Variants in SLC9C2 observed in about 807,000 individuals in gnomAD.
The protein encoded by SLC9C2 is sodium/hydrogen exchanger 11.
In SLC9C2, 75 loss-of-function variants were observed where a neutral mutation model predicts 140.2. That is an observed-to-expected ratio of 0.53 (90% CI 0.44 to 0.65). The LOEUF is 0.65. Among genes scored for constraint, SLC9C2 ranks in the 30% least tolerant of loss-of-function variants. The pLI, the probability that SLC9C2 is intolerant of heterozygous loss-of-function variation, is 0.00. For synonymous variants in SLC9C2, 375 were observed against 420.9 expected, an observed-to-expected ratio of 0.89 and a Z score of 1.34; for missense variants, 1,074 against 1,331.8, an observed-to-expected ratio of 0.81 and a Z score of 3.01.
chr1:173,587,563 T>A, intron 5 of SLC9C2, 102 bp downstream of exon 5: 1 of 1,147,838 alleles, frequency 8.7e-7, no homozygotes, highest in Non-Finnish European at 1.2e-6. Context: ...GCACAGAGTC[T>A]TATTCTTCTG....
At chr1:173,563,446 G>C (rs1571568827) in intron 9 of SLC9C2, among the ~76,000 whole-genome samples, 1 of 151,812 alleles carries the variant, frequency 6.6e-6, no homozygotes. Context: ...CCCAACTCCA[G>C]GAAGGACCGG....
chr1:173,500,580 AG>A lies in SLC9C2; in HGVS notation c.*513del, dbSNP rs996730379. On this transcript the variant is annotated 3_prime_UTR_variant, in exon 28 of 28. Transcript: ENST00000367714. ...TCTCCTAAATTTCACTGAAAGCAAAAGTTACTTACTTACTGAAAGTTACTAA... is the reference window on the plus strand; with the variant it reads ...TCTCCTAAATTTCACTGAAAGCAAAATTACTTACTTACTGAAAGTTACTAA... 1 of 152,238 alleles carries A rather than the reference AG, an allele frequency of 6.6e-6. No homozygotes were observed. Among genetic ancestry groups the A allele is most frequent in the Non-Finnish European group, 1.5e-5 (1 of 68,038 alleles). The allele number at this position is 152,238 out of a possible 1,614,324, so 9.4% of individuals were successfully genotyped here. A position where few individuals can be genotyped will look rare whatever the true frequency, so the allele number is the denominator to read the frequency against.
rs200305468 is a variant in SLC9C2 at position 173,503,810 on chromosome 1, TAA to T, written c.3311-486_3311-485del. On this transcript the variant is annotated intron_variant, in intron 26 of 27. Coordinates refer to ENST00000367714, the MANE Select transcript of SLC9C2 (RefSeq NM_178527.4). ...GAAAACAAGTGACTCTTAAACAAATTAAGAGTCAAAGATCCAGTCCACGTGCC... is the reference window on the plus strand; with the variant it reads ...GAAAACAAGTGACTCTTAAACAAATTGAGTCAAAGATCCAGTCCACGTGCC... 4.9e-3 allele frequency among the ~76,000 whole-genome samples: 742 copies of T among 152,310 alleles called. 3 individuals carry two copies. Among genetic ancestry groups the T allele is most frequent in the African/African-American group, 0.016 (656 of 41,556 alleles).
chr1:173,582,318 C>T (rs1665593929), intron 6 of SLC9C2, among the ~76,000 whole-genome samples: 1 of 151,834 alleles, frequency 6.6e-6, no homozygotes, highest in African/African-American at 2.4e-5. Context: ...AATGTCTAAA[C>T]AAAAAAAATC....
chr1:173,531,100 G>A (rs2101985160), intron 17 of SLC9C2, among the ~76,000 whole-genome samples: 1 of 152,210 alleles, frequency 6.6e-6, no homozygotes, highest in South Asian at 2.1e-4. Context: ...TGCTGACAAT[G>A]GCTATGAGCC....
At chr1:173,595,448 A>G (rs1294447171) in intron 4 of SLC9C2, among the ~76,000 whole-genome samples, 1 of 152,162 alleles carries the variant, frequency 6.6e-6, no homozygotes, top group Non-Finnish European at 1.5e-5. Flanking sequence ...AAACTTTTGT[A>G]CACTTTTTAT....
chr1:173,570,027 GA>G (rs1664744436), intron 9 of SLC9C2, among the ~76,000 whole-genome samples: 1 of 152,072 alleles, frequency 6.6e-6, no homozygotes, highest in Non-Finnish European at 1.5e-5. Flanking sequence ...AGCTTTTAAT[GA>G]ATGCTGCCAG....
chr1:173,522,913 C>T (rs560975785), intron 21 of SLC9C2, among the ~76,000 whole-genome samples: 453 of 152,348 alleles, frequency 3.0e-3, no homozygotes, highest in Non-Finnish European at 5.3e-3. Context: ...TCTTTCACAT[C>T]TCTCTTCAAA....
rs71643161 is a variant in SLC9C2, at chr1:173,514,439, T to C, written c.2907+3098A>G. 2.6e-5 allele frequency among the ~76,000 whole-genome samples: 4 copies of C among 152,348 alleles called. No individual in the cohort carries two copies. The East Asian group carries it at 7.7e-4, about 29-fold the overall frequency. ...CTTATTTGTCTTTTTTGATCTTTAT[T>C]AAAGTCCGTTTTGTCAGAGACTAGT... is the stretch of plus-strand genomic sequence containing the variant. On this transcript the variant is annotated intron_variant, in intron 23 of 27. Transcript: ENST00000367714.
chr1:173,502,047 G>A (rs1337675413), intron 27 of SLC9C2, among the ~76,000 whole-genome samples: 1 of 152,056 alleles, frequency 6.6e-6, no homozygotes, highest in Admixed American at 6.5e-5. Context: ...GCCAAGGCAG[G>A]CAGATCATAA....
chr1:173,600,107 C>T lies in SLC9C2; in HGVS notation c.228+10G>A. The T allele has an allele frequency of 6.4e-7, 1 of 1,552,140 alleles. No individual in the cohort carries two copies. The highest frequency in any genetic ancestry group is 8.8e-7 in the Non-Finnish European group (1 of 1,139,014). ...TTCCTTTATTCTCTAATTTATTGTACATACAGTACCTCAACAGAATTGTAG... is the reference window on the plus strand; with the variant it reads ...TTCCTTTATTCTCTAATTTATTGTATATACAGTACCTCAACAGAATTGTAG... On this transcript the variant is annotated intron_variant, in intron 3 of 27. Coordinates refer to ENST00000367714, the MANE Select transcript of SLC9C2 (RefSeq NM_178527.4).
intron 10 of SLC9C2, among the ~76,000 whole-genome samples, chr1:173,556,578 A>G (rs1003748955): frequency 6.6e-6 from 1 of 152,124 alleles, no homozygotes; most frequent in African/African-American, 2.4e-5. Context: ...AATGCTCCTG[A>G]CAAGAGTATC....
chr1:173,577,286 C>T (rs756038273), intron 7 of SLC9C2, among the ~76,000 whole-genome samples: 64 of 152,208 alleles, frequency 4.2e-4, no homozygotes, highest in Non-Finnish European at 2.2e-4. Context: ...CTCAGAAATA[C>T]TGCACTGCAT....
chr1:173,548,612 C>A, intron 11 of SLC9C2, 60 bp from the exon 12 acceptor site: 21 of 1,573,168 alleles, frequency 1.3e-5, no homozygotes, highest in Admixed American at 7.1e-5. Flanking sequence ...CAAGGGAAAG[C>A]AAAAAATGTT....
chr1:173,601,950 G>T, intron 1 of SLC9C2, 95 bp from the exon 2 acceptor site: 3 of 731,828 alleles, frequency 4.1e-6, no homozygotes, highest in Non-Finnish European at 6.7e-6. Flanking sequence ...ATCTGAACAT[G>T]TCTCTTCTTG....
intron 12 of SLC9C2, among the ~76,000 whole-genome samples, 162 bp from the exon 13 acceptor site, chr1:173,547,946 G>A (rs567854564): frequency 6.6e-6 from 1 of 152,308 alleles, no homozygotes; most frequent in South Asian, 2.1e-4. Context: ...TATAAGAAGT[G>A]TTGCCTTCAA....
intron 21 of SLC9C2, among the ~76,000 whole-genome samples, chr1:173,523,622 C>T (rs1477599409): frequency 6.6e-6 from 1 of 152,180 alleles, no homozygotes; most frequent in Non-Finnish European, 1.5e-5. Flanking sequence ...ACACTATCTG[C>T]CCGGTCTGTG....
At chr1:173,522,251 G>T (rs1660881810) in intron 21 of SLC9C2, among the ~76,000 whole-genome samples, 1 of 151,950 alleles carries the variant, frequency 6.6e-6, no homozygotes, top group Non-Finnish European at 1.5e-5. Flanking sequence ...AAAGCCACAG[G>T]ATCCTATCTT....
At chr1:173,526,832 T>G in intron 18 of SLC9C2, 118 bp from the exon 19 acceptor site, 1 of 715,648 alleles carries the variant, frequency 1.4e-6, no homozygotes, top group Non-Finnish European at 2.3e-6. Flanking sequence ...ATACCAAGTA[T>G]AGTTCTGGCT....
Sources: gnomAD v4.1 joint callset for allele counts (sites outside exome capture counted in the v4.1 genomes callset) on GRCh38, gnomAD v4.1.1 for gene constraint, MANE v1.5 for transcripts, NCBI Gene and HGNC (gene_info 2026-07-23, HGNC 2026-07-21) for gene names.